CCDC171: variants seen among roughly 807,000 people sequenced by gnomAD.
CCDC171 encodes coiled-coil domain-containing protein 171.
Under a neutral mutation model 168.2 loss-of-function variants are expected in CCDC171, and 177 were observed. That is an observed-to-expected ratio of 1.05 (90% CI 0.93 to 1.19). The LOEUF (loss-of-function observed/expected upper bound fraction) is 1.19. Among genes scored for constraint, CCDC171 ranks in the 50% most tolerant of loss-of-function variants. The pLI is 0.00. For synonymous variants in CCDC171, 687 were observed against 540.8 expected (o/e 1.27, Z -3.75); for missense variants, 1,991 against 1,539.0 (o/e 1.29, Z -4.91).
At chr9:15,688,731 A>T (rs185736224) in intron 10 of CCDC171, among the ~76,000 whole-genome samples, 177 of 152,286 alleles carry the variant, frequency 1.2e-3, no homozygotes, top group African/African-American at 4.1e-3. Context: ...TCTATAGAAA[A>T]CCTACATCTG....
intron 7 of CCDC171, among the ~76,000 whole-genome samples, chr9:15,624,278 C>G (rs1564074820): frequency 6.6e-6 from 1 of 151,894 alleles, no homozygotes; most frequent in Non-Finnish European, 1.5e-5. Flanking sequence ...AATAAGGAGG[C>G]TAGGCAGAGA....
chr9:16,004,014 C>G (rs1887665), intron 3 of CCDC171, among the ~76,000 whole-genome samples: 112,954 of 152,106 alleles, frequency 0.74, 42,087 homozygotes, highest in Admixed American at 0.82. Context: ...TGCAGGGGAT[C>G]GGCATTGACC....
Position 15,908,651 on chromosome 9 carries a change from T to G in CCDC171, c.3601-11619T>G, listed in dbSNP as rs1218152615. Among the ~76,000 whole-genome samples the G allele has an allele frequency of 2.7e-5, 4 of 150,802 alleles. No individual in the cohort carries two copies. The East Asian group carries it at 7.8e-4, about 29-fold the overall frequency. On this transcript the variant is annotated intron_variant, in intron 24 of 25. Coordinates refer to ENST00000380701, the MANE Select transcript of CCDC171 (RefSeq NM_173550.4). The stretch of plus-strand genomic sequence containing the variant: ...CACCTGTACCCTAAAAGTTAAAGTA[T>G]AAAAAAAAAGAGAAATATCTGAGAC...
At chr9:16,077,850 C>G in the CCDC171 span, among the ~76,000 whole-genome samples, 8 of 152,000 alleles carry the variant, frequency 5.3e-5, no homozygotes, top group African/African-American at 1.9e-4. Context: ...GAGGTTGATG[C>G]CTAAGAAGTG....
intron 3 of CCDC171, among the ~76,000 whole-genome samples, chr9:16,008,577 G>C (rs1275718040): frequency 6.6e-6 from 1 of 152,100 alleles, no homozygotes; most frequent in African/African-American, 2.4e-5. Context: ...CCTAGTGGTT[G>C]CTTGTCCTAA....
At chr9:15,648,633 G>A (rs1442149593) in intron 7 of CCDC171, among the ~76,000 whole-genome samples, 1 of 152,168 alleles carries the variant, frequency 6.6e-6, no homozygotes, top group Non-Finnish European at 1.5e-5. Context: ...ACTCATGAGT[G>A]AACTCCCATT....
upstream of CCDC171, among the ~76,000 whole-genome samples, chr9:16,038,462 G>A (rs557372393): frequency 8.5e-5 from 13 of 152,190 alleles, no homozygotes; most frequent in Middle Eastern, 3.4e-3. Context: ...AGATTGATAG[G>A]TAAGTAGAAA....
intron 11 of CCDC171, among the ~76,000 whole-genome samples, chr9:15,710,638 C>T (rs10756694): frequency 0.41 from 62,188 of 150,822 alleles, 14,449 homozygotes; most frequent in East Asian, 0.78. Flanking sequence ...CACTCTTCTC[C>T]AGGCTGGAGT....
upstream of CCDC171, among the ~76,000 whole-genome samples, chr9:16,038,521 G>A (rs1211075819): frequency 6.6e-6 from 1 of 151,718 alleles, no homozygotes; most frequent in Non-Finnish European, 1.5e-5. Flanking sequence ...AAAATGTAAG[G>A]GTAACATCTA....
intron 11 of CCDC171, among the ~76,000 whole-genome samples, chr9:15,696,925 A>T (rs910465201): frequency 6.6e-6 from 1 of 152,104 alleles, no homozygotes; most frequent in East Asian, 1.9e-4. Context: ...GCACTGAATT[A>T]GTGATTTTTG....
At position 15,818,658 on chromosome 9, in the gene CCDC171, A is replaced by G. The variant is rs1419510905; in HGVS notation, c.3268-28044A>G. 8.5e-5 allele frequency among the ~76,000 whole-genome samples: 10 copies of G among 117,868 alleles called. 2 individuals carry two copies. The highest frequency in any genetic ancestry group is 1.3e-4 in the Non-Finnish European group (7 of 52,470). The allele number at this position is 117,868 out of a possible 152,430, so 77.3% of individuals were successfully genotyped here. ...AAGTTTAGAGAAAAAAGAATAAAAG[A>G]AACGAACAAAGCCTCCAAGAAATAT... On this transcript the variant is annotated intron_variant, in intron 21 of 25. Coordinates refer to ENST00000380701, the MANE Select transcript of CCDC171 (RefSeq NM_173550.4).
At chr9:15,624,167 T>C (rs1265231032) in intron 7 of CCDC171, among the ~76,000 whole-genome samples, 2 of 152,106 alleles carry the variant, frequency 1.3e-5, no homozygotes, top group Non-Finnish European at 2.9e-5. Context: ...ATTATAACTT[T>C]TGGGAGGAAG....
intron 21 of CCDC171, among the ~76,000 whole-genome samples, chr9:15,807,107 G>C (rs774056934): frequency 3.3e-5 from 5 of 152,142 alleles, no homozygotes; most frequent in Non-Finnish European, 7.4e-5. Context: ...TCATTTGTCA[G>C]CTCCTGTATG....
intron 6 of CCDC171, among the ~76,000 whole-genome samples, chr9:15,606,843 C>T (rs1328276813): frequency 6.6e-6 from 1 of 152,110 alleles, no homozygotes; most frequent in African/African-American, 2.4e-5. Context: ...CAACAGCCCC[C>T]TCTAGTGGAA....
chr9:16,104,735 C>CTT, the CCDC171 span, among the ~76,000 whole-genome samples: 59 of 148,170 alleles, frequency 4.0e-4, no homozygotes, highest in African/African-American at 4.7e-4. Flanking sequence ...TCATTCATTG[C>CTT]TTTTTTTTTT....
intron 11 of CCDC171, among the ~76,000 whole-genome samples, chr9:15,720,154 C>T (rs145356071): frequency 1.3e-5 from 2 of 152,012 alleles, no homozygotes; most frequent in Admixed American, 1.3e-4. Context: ...TGATAAATGT[C>T]ATAAATATAT....
At chr9:15,822,032 A>G (rs1286187679) in intron 21 of CCDC171, among the ~76,000 whole-genome samples, 1 of 152,188 alleles carries the variant, frequency 6.6e-6, no homozygotes, top group Non-Finnish European at 1.5e-5. Flanking sequence ...AATGCTGCAT[A>G]TCTACAACTA....
rs1033629048 is a variant in CCDC171 at position 15,564,220 on chromosome 9, T to G, written c.41+91T>G. 17 of 899,708 alleles carry G rather than the reference T, an allele frequency of 1.9e-5. No individual in the cohort carries two copies. In the Admixed American group the frequency reaches 3.8e-4, roughly 20 times the overall value. The allele number at this position is 899,708 out of a possible 1,614,324, so 55.7% of individuals were successfully genotyped here. ...GTGGTTGTAGAGCTAACTGTAAGAATTCTCATGGGATGGTAAGGGGAGTAG... is the reference window on the plus strand; with the variant it reads ...GTGGTTGTAGAGCTAACTGTAAGAAGTCTCATGGGATGGTAAGGGGAGTAG... On this transcript the variant is annotated intron_variant, in intron 2 of 25. Coordinates refer to ENST00000380701, the MANE Select transcript of CCDC171 (RefSeq NM_173550.4).
At chr9:16,013,062 C>G (rs1395446983) in intron 3 of CCDC171, among the ~76,000 whole-genome samples, 1 of 152,182 alleles carries the variant, frequency 6.6e-6, no homozygotes, top group Non-Finnish European at 1.5e-5. Flanking sequence ...GTCAGCCTTT[C>G]CCACTCAAAA....
Sources: gnomAD v4.1 joint callset for allele counts (sites outside exome capture counted in the v4.1 genomes callset) on GRCh38, gnomAD v4.1.1 for gene constraint, MANE v1.5 for transcripts, NCBI Gene and HGNC (gene_info 2026-07-23, HGNC 2026-07-21) for gene names.